PTPRS: variants seen among roughly 807,000 people sequenced by gnomAD.
PTPRS encodes the protein receptor-type tyrosine-protein phosphatase S.
PTPRS carries 63 observed loss-of-function variants against 215.3 expected under a neutral mutation model. The observed-to-expected ratio is 0.29, with a 90% CI of 0.24 to 0.36. The LOEUF (loss-of-function observed/expected upper bound fraction) is 0.36. Among genes scored for constraint, PTPRS ranks in the 10% least tolerant of loss-of-function variants. The pLI is 1.00. For synonymous variants in PTPRS, 1,404 were observed against 1,191.4 expected, an observed-to-expected ratio of 1.18 and a Z score of -3.68; for missense variants, 2,258 against 2,825.8, an observed-to-expected ratio of 0.80 and a Z score of 4.56.
At position 5,244,983 on chromosome 19, in the gene PTPRS, CTTTTTTT is replaced by C. The variant is rs34897765; in HGVS notation, c.989-508_989-502del. ...GCACCCGGCCTTTTTTTTCTTTTTT[CTTTTTTT>C]TTTTTTTTAGACGGAGCCTTGCTCT... is the stretch of plus-strand genomic sequence containing the variant. On this transcript the variant is annotated intron_variant, in intron 10 of 37. Coordinates refer to ENST00000262963, the MANE Select transcript of PTPRS (RefSeq NM_002850.4). This position sits in a 1 kb window ranked among gnomAD's most constrained non-coding sequence, Gnocchi z 7.2. Among the ~76,000 whole-genome samples, 85 of 108,186 alleles carry C rather than the reference CTTTTTTT, an allele frequency of 7.9e-4. No homozygotes were observed. The East Asian group carries it at 0.022, about 29-fold the overall frequency. The allele number at this position is 108,186 out of a possible 152,430, so 71.0% of individuals were successfully genotyped here.
At position 5,293,804 on chromosome 19, in the gene PTPRS, G is replaced by T. The variant is rs955056856; in HGVS notation, c.-94-7570C>A. On this transcript the variant is annotated intron_variant, in intron 1 of 37. Transcript: ENST00000262963. This position sits in a 1 kb window ranked among gnomAD's most constrained non-coding sequence, Gnocchi z 8.4. ...CCGCTGGGGGTCCAGGGGAATGAATGGGGGGACACCGTGGCAGAGGCCCCC... is the reference window on the plus strand; with the variant it reads ...CCGCTGGGGGTCCAGGGGAATGAATTGGGGGACACCGTGGCAGAGGCCCCC... 1.3e-5 allele frequency among the ~76,000 whole-genome samples: 2 copies of T among 152,152 alleles called. No homozygotes were observed. Among genetic ancestry groups the T allele is most frequent in the African/African-American group, 4.8e-5 (2 of 41,450 alleles).
intron 4 of PTPRS, among the ~76,000 whole-genome samples, chr19:5,271,164 T>C (rs1352399292): frequency 6.6e-6 from 1 of 152,164 alleles, no homozygotes; most frequent in African/African-American, 2.4e-5. Flanking sequence ...CAGTGGCTCA[T>C]ATACATGACT....
intron 2 of PTPRS, among the ~76,000 whole-genome samples, chr19:5,283,865 G>A (rs993891852): frequency 1.3e-5 from 2 of 151,986 alleles, no homozygotes; most frequent in African/African-American, 4.8e-5. Context: ...TTAAATCTAG[G>A]AGTTTGAGAC....
chr19:5,335,852 A>G (rs542594866), intron 1 of PTPRS, among the ~76,000 whole-genome samples: 1 of 152,178 alleles, frequency 6.6e-6, no homozygotes, highest in African/African-American at 2.4e-5. Context: ...TTATTTTCAG[A>G]TGTGGAATAT....
intron 24 of PTPRS, 92 bp downstream of exon 24, chr19:5,218,695 C>T (rs757796980): frequency 3.3e-5 from 51 of 1,553,678 alleles, no homozygotes; most frequent in East Asian, 4.5e-5. Flanking sequence ...TGGGGGCAGC[C>T]GGGCATCCCC....
At chr19:5,216,332 G>A (rs528521018) in intron 26 of PTPRS, among the ~76,000 whole-genome samples, 11 of 152,124 alleles carry the variant, frequency 7.2e-5, no homozygotes, top group Admixed American at 6.5e-5. Flanking sequence ...CCTGTGTACC[G>A]GATGTTCAGC....
chr19:5,256,209 T>G, intron 8 of PTPRS, 90 bp from the exon 9 acceptor site: 1 of 1,037,066 alleles, frequency 9.6e-7, no homozygotes, highest in Non-Finnish European at 1.3e-6. Context: ...AAAAGAGGAC[T>G]TCCCAAGGCT....
chr19:5,303,636 G>A (rs1290957298), intron 1 of PTPRS, among the ~76,000 whole-genome samples: 3 of 152,048 alleles, frequency 2.0e-5, no homozygotes, highest in Non-Finnish European at 4.4e-5. Context: ...CAGAGTGAGT[G>A]AGCAGGGGCA....
rs1322815386 is a variant in PTPRS, at chr19:5,259,579, G to A, written c.595+1226C>T. On this transcript the variant is annotated intron_variant, in intron 7 of 37. Coordinates refer to ENST00000262963, the MANE Select transcript of PTPRS (RefSeq NM_002850.4). ...TTTGTAATCACAGGCCTGGATCAAAGTCCTTATTTTCATAAGTAAATAAAA... is the reference window on the plus strand; with the variant it reads ...TTTGTAATCACAGGCCTGGATCAAAATCCTTATTTTCATAAGTAAATAAAA... 3.9e-5 allele frequency among the ~76,000 whole-genome samples: 6 copies of A among 152,272 alleles called. No homozygotes were observed. In the East Asian group the frequency reaches 9.6e-4, roughly 24 times the overall value.
At position 5,287,425 on chromosome 19, in the gene PTPRS, G is replaced by A. The variant is rs182778224; in HGVS notation, c.-94-1191C>T. Reference sequence around the variant, plus strand: ...CTCCTCCAGGGCAGAAGGGTCCCTCGTCACATACCTTGAACCCTGGAATGG... The same window carrying A: ...CTCCTCCAGGGCAGAAGGGTCCCTCATCACATACCTTGAACCCTGGAATGG... On this transcript the variant is annotated intron_variant, in intron 1 of 37. Transcript: ENST00000262963. This position sits in a 1 kb window ranked among gnomAD's most constrained non-coding sequence, Gnocchi z 4.8. 3.4e-4 allele frequency among the ~76,000 whole-genome samples: 52 copies of A among 152,176 alleles called. No homozygotes were observed. The highest frequency in any genetic ancestry group is 3.4e-3 in the Middle Eastern group (1 of 294).
intron 9 of PTPRS, among the ~76,000 whole-genome samples, chr19:5,249,820 G>C (rs1011524279): frequency 6.6e-6 from 1 of 152,202 alleles, no homozygotes; most frequent in Non-Finnish European, 1.5e-5. Flanking sequence ...GTAAGATCTA[G>C]CTTTAGGATC....
At chr19:5,320,623 G>A (rs62115121) in intron 1 of PTPRS, among the ~76,000 whole-genome samples, 20,823 of 151,804 alleles carry the variant, frequency 0.14, 1,626 homozygotes, top group Admixed American at 0.24. Flanking sequence ...ATGGGGTTTC[G>A]CCATGTTGAT....
At position 5,286,189 on chromosome 19, in the gene PTPRS, G is replaced by C. The variant is rs1202903510; in HGVS notation, c.-49C>G. On this transcript the variant is annotated 5_prime_UTR_variant, in exon 2 of 38. Coordinates refer to ENST00000262963, the MANE Select transcript of PTPRS (RefSeq NM_002850.4). ...CGCCCTGGAGGGGGATGGCCCCCCG[G>C]TCCCTCACAGAGAGGCCTCGAGCCG... The C allele has an allele frequency of 1.3e-6, 2 of 1,598,808 alleles. No homozygotes were observed. Among genetic ancestry groups the C allele is most frequent in the East Asian group, 2.3e-5 (1 of 44,100 alleles).
At chr19:5,233,666 G>A (rs556428543) in intron 13 of PTPRS, among the ~76,000 whole-genome samples, 9 of 150,522 alleles carry the variant, frequency 6.0e-5, no homozygotes, top group African/African-American at 1.2e-4. Flanking sequence ...AATCTCGGCC[G>A]GGCGCAGTGG....
At position 5,219,369 on chromosome 19, in the gene PTPRS, C is replaced by T. The variant is rs371702194; in HGVS notation, c.3864G>A (p.Gly1288=). 2.3e-5 allele frequency: 37 copies of T among 1,613,810 alleles called. No individual in the cohort carries two copies. The African/African-American group carries it at 4.9e-4, about 22-fold the overall frequency. The change falls in exon 23 of 38, where the codon GGG becomes GGA. Residue 1288 remains glycine (G), a synonymous_variant. Transcript: ENST00000262963. ...TTATGAAGACCACGGCCAGCACAGG[C>T]CCGATCACCCAGATAAGCCCCTCCT... ...DGEEGLIWVI[G]PVLAVVFIIC...
At chr19:5,305,445 G>A (rs2049450249) in intron 1 of PTPRS, among the ~76,000 whole-genome samples, 2 of 152,142 alleles carry the variant, frequency 1.3e-5, no homozygotes, top group African/African-American at 4.8e-5. Flanking sequence ...TACTCAGGAG[G>A]CTGAAGCAGG....
rs2045688740 is a variant in PTPRS, at chr19:5,257,879, G to A, written c.706+138C>T. The stretch of plus-strand genomic sequence containing the variant: ...CAGAGAGGGACGCCGCCTCGGCCAA[G>A]GTCCCACCGCGACCGGGGAGGGGCC... On this transcript the variant is annotated intron_variant, in intron 8 of 37. Transcript: ENST00000262963. This position sits in a 1 kb window ranked among gnomAD's most constrained non-coding sequence, Gnocchi z 4.4. 1.5e-6 allele frequency: 1 copy of A among 686,032 alleles called. No homozygotes were observed. The highest frequency in any genetic ancestry group is 2.6e-5 in the East Asian group (1 of 38,006). The allele number at this position is 686,032 out of a possible 1,614,324, so 42.5% of individuals were successfully genotyped here.
intron 16 of PTPRS, among the ~76,000 whole-genome samples, chr19:5,228,054 C>T (rs2042660804): frequency 6.6e-6 from 1 of 152,052 alleles, no homozygotes; most frequent in Non-Finnish European, 1.5e-5. Context: ...GCCTCACAGT[C>T]CATCCCTCCC....
At chr19:5,259,065 G>T (rs2045789311) in intron 7 of PTPRS, among the ~76,000 whole-genome samples, 2 of 152,152 alleles carry the variant, frequency 1.3e-5, no homozygotes, top group Admixed American at 1.3e-4. Flanking sequence ...GAAATCAGGG[G>T]TCTGATTGAA....
Sources: gnomAD v4.1 joint callset for allele counts (sites outside exome capture counted in the v4.1 genomes callset) on GRCh38, gnomAD v4.1.1 for gene constraint, Gnocchi (gnomAD v3.1) non-coding constraint, MANE v1.5 for transcripts, NCBI Gene and HGNC (gene_info 2026-07-23, HGNC 2026-07-21) for gene names.